JCAD: variants seen among roughly 807,000 people sequenced by gnomAD.
JCAD encodes the protein junctional cadherin 5 associated.
Under a neutral mutation model 98.0 loss-of-function variants are expected in JCAD, and 40 were observed. That is an observed-to-expected ratio of 0.41 (90% confidence interval 0.32 to 0.53). JCAD has a LOEUF of 0.53. Among genes scored for constraint, JCAD ranks in the 20% least tolerant of loss-of-function variants. JCAD has a pLI of 0.31. For missense variants in JCAD, 1,705 were observed against 1,738.1 expected (o/e 0.98, Z 0.34); for synonymous variants, 691 against 682.3 (o/e 1.01, Z -0.20).
chr10:30,044,579 C>T lies in JCAD; in HGVS notation c.281+2953G>A, dbSNP rs562367038. 1.9e-3 allele frequency among the ~76,000 whole-genome samples: 295 copies of T among 152,114 alleles called. 1 individual carries two copies. The highest frequency in any genetic ancestry group is 3.5e-3 in the Non-Finnish European group (235 of 68,014). On this transcript the variant is annotated intron_variant, in intron 2 of 3. Transcript: ENST00000375377. ...TCACTGTGTGGGATGGAGGAGGCAG[C>T]AAGACCACAGCTGTGCTTTTGAGTA...
chr10:30,026,923 T>G lies in JCAD; in HGVS notation c.3225A>C (p.Glu1075Asp). Residue 1075 changes from glutamate (E) to aspartate (D), a missense_variant, in exon 3 of 4, where the codon GAA (glutamate) becomes GAC (aspartate). This residue lies in a region of JCAD where 1,278 missense variants were observed against 1,243.1 expected (regional missense o/e 1.03). Coordinates refer to ENST00000375377, the MANE Select transcript of JCAD (RefSeq NM_020848.4). ...EGSLGEASTI[E>D]IPPGESLQAR... The stretch of plus-strand genomic sequence containing the variant: ...CTTGCAAGGACTCACCTGGGGGGAT[T>G]TCTATTGTGCTTGCTTCACCCAAAG... 6.2e-7 allele frequency: 1 copy of G among 1,614,058 alleles called. No individual in the cohort carries two copies.
intron 2 of JCAD, among the ~76,000 whole-genome samples, chr10:30,069,207 G>C (rs868229961): frequency 6.6e-6 from 1 of 152,206 alleles, no homozygotes; most frequent in Middle Eastern, 3.4e-3. Flanking sequence ...GGTCGCTTCG[G>C]CTCACATTGT....
chr10:30,076,885 C>T (rs1034411764), intron 1 of JCAD, among the ~76,000 whole-genome samples: 3 of 151,858 alleles, frequency 2.0e-5, no homozygotes, highest in Non-Finnish European at 2.9e-5. Context: ...CTAGGAGGGC[C>T]GAATCGCTCA....
At chr10:30,097,632 G>A (rs1838394962) in intron 1 of JCAD, among the ~76,000 whole-genome samples, 1 of 152,118 alleles carries the variant, frequency 6.6e-6, no homozygotes, top group South Asian at 2.1e-4. Flanking sequence ...TAGTGGGCCT[G>A]TAGTCCCAGC....
At chr10:30,109,918 C>G (rs1301472127) in intron 1 of JCAD, among the ~76,000 whole-genome samples, 1 of 151,692 alleles carries the variant, frequency 6.6e-6, no homozygotes, top group Non-Finnish European at 1.5e-5. Flanking sequence ...ATATATGGAC[C>G]AGCTGATATG....
At chr10:30,048,864 G>A (rs1294254106) in intron 1 of JCAD, among the ~76,000 whole-genome samples, 2 of 152,022 alleles carry the variant, frequency 1.3e-5, no homozygotes, top group African/African-American at 4.8e-5. Flanking sequence ...CACCACACCC[G>A]GCCTCCTTAT....
At chr10:30,034,202 G>A (rs554706332) in intron 2 of JCAD, among the ~76,000 whole-genome samples, 112 of 151,038 alleles carry the variant, frequency 7.4e-4, no homozygotes, top group African/African-American at 2.5e-3. Flanking sequence ...CAGCCTGGGC[G>A]ACAGAGCAAG....
At chr10:30,048,114 G>A (rs1217850240) in intron 1 of JCAD, among the ~76,000 whole-genome samples, 2 of 152,166 alleles carry the variant, frequency 1.3e-5, no homozygotes, top group African/African-American at 2.4e-5. Context: ...CTCACCCTTC[G>A]ATGGCTGCCT....
rs1294396502 is a variant in JCAD at position 30,059,215 on chromosome 10, G to A, written c.-60+267C>T. Among the ~76,000 whole-genome samples, 1 of 151,544 alleles carries A rather than the reference G, an allele frequency of 6.6e-6. No individual in the cohort carries two copies. Among genetic ancestry groups the A allele is most frequent in the Admixed American group, 6.6e-5 (1 of 15,218 alleles). ...CCCGGGACCCCCGCGCTCCGAGCGG[G>A]GCACCTGAGGGGAGGGGACGCCCCT... On this transcript the variant is annotated intron_variant, in intron 1 of 3. Transcript: ENST00000375377. This position sits in a 1 kb window ranked among gnomAD's most constrained non-coding sequence, Gnocchi z 5.0.
At chr10:30,034,081 G>A (rs1358343232) in intron 2 of JCAD, among the ~76,000 whole-genome samples, 2 of 151,654 alleles carry the variant, frequency 1.3e-5, no homozygotes, top group Non-Finnish European at 2.9e-5. Context: ...AAATCGGCCG[G>A]GTGTGGTGGC....
chr10:30,068,972 C>T (rs1011773047), intron 2 of JCAD, among the ~76,000 whole-genome samples: 1 of 152,236 alleles, frequency 6.6e-6, no homozygotes, highest in East Asian at 1.9e-4. Flanking sequence ...TTACCCCAGG[C>T]TTTGCATGGC....
At position 30,079,732 on chromosome 10, in the gene JCAD, CA is replaced by C. The variant is rs1228434626; in HGVS notation, n.129-9912del. Reference sequence around the variant, plus strand: ...TCTTGGGGTCAGAGACTGTGTATCACAACTATAATTCATGGGTCTGATACAT... The same window carrying C: ...TCTTGGGGTCAGAGACTGTGTATCACACTATAATTCATGGGTCTGATACAT... On this transcript the variant is annotated intron_variant and non_coding_transcript_variant, in intron 1 of 2. Transcript: ENST00000465712. 2.0e-5 allele frequency among the ~76,000 whole-genome samples: 3 copies of C among 152,324 alleles called. No homozygotes were observed. In the East Asian group the frequency reaches 5.8e-4, roughly 29 times the overall value.
Position 30,027,870 on chromosome 10 carries a change from T to C in JCAD, c.2278A>G (p.Ser760Gly), listed in dbSNP as rs1836869471. The C allele has an allele frequency of 6.2e-7, 1 of 1,614,130 alleles. No homozygotes were observed. The highest frequency in any genetic ancestry group is 1.3e-5 in the African/African-American group (1 of 74,946). ...GAAGTCCTTGAGAACGCACTGTTGC[T>C]GGATGGGCTGAGGGACCTGTGACCT... is the stretch of plus-strand genomic sequence containing the variant. ...LKGHRSLSPS[S>G]NSAFSRTSLS... The change falls in exon 3 of 4, where the codon AGC becomes GGC. Residue 760 changes from serine (S) to glycine (G), a missense_variant. Coordinates refer to ENST00000375377, the MANE Select transcript of JCAD (RefSeq NM_020848.4).
At chr10:30,063,280 A>T (rs1201769097), upstream of JCAD, among the ~76,000 whole-genome samples, 4 of 152,182 alleles carry the variant, frequency 2.6e-5, no homozygotes, top group East Asian at 7.7e-4. Context: ...CTGGATGCCC[A>T]ATGTCCCCGC....
intron 1 of JCAD, among the ~76,000 whole-genome samples, chr10:30,052,535 A>G (rs1837491740): frequency 6.6e-6 from 1 of 152,220 alleles, no homozygotes; most frequent in South Asian, 2.1e-4. Flanking sequence ...GCACCCATGC[A>G]GAGGCCACCC....
intron 1 of JCAD, among the ~76,000 whole-genome samples, chr10:30,106,462 G>C (rs1206482199): frequency 6.6e-6 from 1 of 151,966 alleles, no homozygotes; most frequent in African/African-American, 2.4e-5. Context: ...AGGCAGATGT[G>C]TCCCTGTAGA....
chr10:30,058,567 C>A (rs541038839), intron 1 of JCAD, among the ~76,000 whole-genome samples: 2 of 152,320 alleles, frequency 1.3e-5, no homozygotes, highest in Admixed American at 6.5e-5. Context: ...GAATCCCAGG[C>A]GCTCTGCTTC....
intron 2 of JCAD, among the ~76,000 whole-genome samples, chr10:30,035,318 C>T (rs2132627590): frequency 6.6e-6 from 1 of 152,318 alleles, no homozygotes; most frequent in Non-Finnish European, 1.5e-5. Flanking sequence ...GGTTAAACTT[C>T]CTTCTGTTTG....
rs1340074756 is a variant in JCAD, at chr10:30,012,949, A to G, written c.*4934T>C. On this transcript the variant is annotated 3_prime_UTR_variant, in exon 4 of 4. Transcript: ENST00000375377. The stretch of plus-strand genomic sequence containing the variant: ...GTGCTTTGCCGGCATTTTATCTGCT[A>G]CTTTGTCCTGCTTCTCTCTTCCCTG... The G allele has an allele frequency of 2.0e-5, 3 of 152,460 alleles. No homozygotes were observed. Among genetic ancestry groups the G allele is most frequent in the Admixed American group, 1.3e-4 (2 of 15,288 alleles). 9.4% of individuals were successfully genotyped at this position (152,460 alleles called of 1,614,324 possible).
Sources: gnomAD v4.1 joint callset for allele counts (sites outside exome capture counted in the v4.1 genomes callset) on GRCh38, gnomAD v4.1.1 for gene constraint, gnomAD v4.1.1 regional missense constraint, Gnocchi (gnomAD v3.1) non-coding constraint, MANE v1.5 for transcripts, NCBI Gene and HGNC (gene_info 2026-07-23, HGNC 2026-07-21) for gene names.